The following GRM8 variants were observed in gnomAD, a reference collection of about 807,000 sequenced individuals.
The protein encoded by GRM8 is glutamate metabotropic receptor 8.
Under a neutral mutation model 87.2 loss-of-function variants are expected in GRM8, and 47 were observed. That is an observed-to-expected ratio of 0.54 (90% CI 0.43 to 0.69). The LOEUF (loss-of-function observed/expected upper bound fraction) is 0.69, where lower values mean the gene tolerates loss of function less well. Among genes scored for constraint, GRM8 ranks in the 30% least tolerant of loss-of-function variants. The pLI, the probability that GRM8 is intolerant of heterozygous loss-of-function variation, is 0.00. For synonymous variants in GRM8, 396 were observed against 404.5 expected (o/e 0.98, Z 0.25); for missense variants, 1,019 against 1,139.2 (o/e 0.89, Z 1.52).
At chr7:126,894,450 A>G (rs1801348603) in intron 6 of GRM8, among the ~76,000 whole-genome samples, 1 of 152,002 alleles carries the variant, frequency 6.6e-6, no homozygotes. Context: ...GTTTTGCAGA[A>G]AGGATTTCCT....
chr7:126,462,651 T>A (rs1804016094), intron 9 of GRM8, among the ~76,000 whole-genome samples: 1 of 151,664 alleles, frequency 6.6e-6, no homozygotes, highest in Admixed American at 6.6e-5. Context: ...GTGGATAAAT[T>A]ATTCCATTAG....
chr7:126,888,339 T>G (rs563560061), intron 6 of GRM8, among the ~76,000 whole-genome samples: 60 of 152,098 alleles, frequency 3.9e-4, no homozygotes, highest in African/African-American at 1.4e-3. Context: ...CTATTTAGAG[T>G]CAATGAGAAA....
At chr7:127,190,225 G>A (rs1168176413) in intron 2 of GRM8, among the ~76,000 whole-genome samples, 1 of 152,208 alleles carries the variant, frequency 6.6e-6, no homozygotes, top group African/African-American at 2.4e-5. Context: ...AAGGGCTCTT[G>A]AGGTCTAAGC....
intron 3 of GRM8, among the ~76,000 whole-genome samples, chr7:126,989,634 T>C (rs901279060): frequency 1.1e-4 from 17 of 151,368 alleles, no homozygotes; most frequent in African/African-American, 4.2e-4. Flanking sequence ...AAAGATAATA[T>C]AGCACTGCAA....
intron 2 of GRM8, among the ~76,000 whole-genome samples, chr7:127,166,519 G>A (rs1014258560): frequency 1.3e-5 from 2 of 152,178 alleles, no homozygotes; most frequent in Non-Finnish European, 2.9e-5. Context: ...CCACATGAGT[G>A]CTGGGATGGA....
intron 7 of GRM8, among the ~76,000 whole-genome samples, chr7:126,724,373 A>G (rs1192245194): frequency 6.6e-6 from 1 of 152,084 alleles, no homozygotes; most frequent in African/African-American, 2.4e-5. Flanking sequence ...CCCTCAATTG[A>G]CTAGTGAGGT....
At chr7:126,540,079 T>C (rs1164884079) in intron 8 of GRM8, among the ~76,000 whole-genome samples, 5 of 152,122 alleles carry the variant, frequency 3.3e-5, no homozygotes, top group Non-Finnish European at 7.4e-5. Flanking sequence ...ATCCAGAATA[T>C]ATTTTTTAAA....
At chr7:126,995,557 C>A (rs1813099524) in intron 3 of GRM8, among the ~76,000 whole-genome samples, 1 of 152,124 alleles carries the variant, frequency 6.6e-6, no homozygotes, top group Non-Finnish European at 1.5e-5. Context: ...GTTGAAAATG[C>A]AACTGATGTA....
At chr7:126,835,547 T>C (rs1795764443) in intron 6 of GRM8, among the ~76,000 whole-genome samples, 1 of 152,188 alleles carries the variant, frequency 6.6e-6, no homozygotes, top group Admixed American at 6.5e-5. Flanking sequence ...AAAAAAAGTT[T>C]GTAGTGATAA....
intron 2 of GRM8, among the ~76,000 whole-genome samples, chr7:127,216,517 C>CAAAAAAAAAAAAAAAA (rs58730624): frequency 6.4e-5 from 4 of 62,958 alleles, no homozygotes; most frequent in Non-Finnish European, 1.4e-4. Context: ...GACTCCGTCT[C>CAAAAAAAAAAAAAAAA]AAAAAAAAAA....
chr7:127,071,800 G>A (rs1047012928), intron 3 of GRM8, among the ~76,000 whole-genome samples: 6 of 149,944 alleles, frequency 4.0e-5, no homozygotes, highest in African/African-American at 1.5e-4. Flanking sequence ...ATTTTTTTTT[G>A]CCAGAAATAA....
intron 3 of GRM8, among the ~76,000 whole-genome samples, chr7:126,977,742 C>A (rs781640723): frequency 1.3e-5 from 2 of 152,140 alleles, no homozygotes; most frequent in Non-Finnish European, 2.9e-5. Flanking sequence ...TCATAGAATT[C>A]TTTTCTGGGT....
intron 7 of GRM8, among the ~76,000 whole-genome samples, chr7:126,757,694 G>A (rs549895571): frequency 1.2e-4 from 18 of 152,182 alleles, no homozygotes; most frequent in African/African-American, 3.6e-4. Context: ...ATTGAGTTGC[G>A]TGTGATCAAA....
At chr7:126,491,971 A>G (rs113022207) in intron 9 of GRM8, among the ~76,000 whole-genome samples, 1 of 152,052 alleles carries the variant, frequency 6.6e-6, no homozygotes, top group Non-Finnish European at 1.5e-5. Flanking sequence ...TAAAAAAGCC[A>G]TCCCTTCTTT....
At chr7:127,066,833 T>C (rs1250643950) in intron 3 of GRM8, among the ~76,000 whole-genome samples, 1 of 152,206 alleles carries the variant, frequency 6.6e-6, no homozygotes, top group Non-Finnish European at 1.5e-5. Context: ...TCTGCTCTAC[T>C]TTTTTCTTCG....
At chr7:127,081,249 A>G (rs1822838231) in intron 3 of GRM8, among the ~76,000 whole-genome samples, 5 of 152,088 alleles carry the variant, frequency 3.3e-5, no homozygotes, top group Admixed American at 3.3e-4. Flanking sequence ...TGCCCCAGTC[A>G]CACTGAACAG....
intron 6 of GRM8, among the ~76,000 whole-genome samples, chr7:126,857,918 C>A (rs969218564): frequency 6.6e-6 from 1 of 151,998 alleles, no homozygotes; most frequent in Admixed American, 6.6e-5. Flanking sequence ...CACTACATTT[C>A]CAGCCTGGGC....
At chr7:126,595,038 C>G (rs1797027777) in intron 8 of GRM8, among the ~76,000 whole-genome samples, 1 of 151,758 alleles carries the variant, frequency 6.6e-6, no homozygotes, top group African/African-American at 2.4e-5. Context: ...CAATAAAAAG[C>G]AATGCAGCAA....
chr7:126,568,856 C>G (rs1454941149), intron 8 of GRM8, among the ~76,000 whole-genome samples: 1 of 152,024 alleles, frequency 6.6e-6, no homozygotes, highest in African/African-American at 2.4e-5. Context: ...AGTTGGAAAT[C>G]ATTTCAAAGG....
Sources: allele counts gnomAD v4.1 joint callset (sites outside exome capture counted in the v4.1 genomes callset), GRCh38; gene constraint gnomAD v4.1.1; transcripts MANE v1.5; gene names NCBI Gene and HGNC (gene_info 2026-07-23, HGNC 2026-07-21).